Variants in FNDC3A observed in about 807,000 individuals in gnomAD.
FNDC3A encodes the protein fibronectin type-III domain-containing protein 3A.
A neutral mutation model predicts 148.9 loss-of-function variants in FNDC3A; 32 were observed. That is an observed-to-expected ratio of 0.21 (90% CI 0.16 to 0.29). The LOEUF (loss-of-function observed/expected upper bound fraction) is 0.29. Among genes scored for constraint, FNDC3A ranks in the 10% least tolerant of loss-of-function variants. The pLI is 1.00. For synonymous variants in FNDC3A, 472 were observed against 473.6 expected, an observed-to-expected ratio of 1.00 and a Z score of 0.04; for missense variants, 1,191 against 1,452.8, an observed-to-expected ratio of 0.82 and a Z score of 2.93.
At chr13:49,172,912 C>T (rs527488043) in intron 11 of FNDC3A, among the ~76,000 whole-genome samples, 1 of 152,292 alleles carries the variant, frequency 6.6e-6, no homozygotes, top group Non-Finnish European at 1.5e-5. Context: ...CAAAATACTA[C>T]ATTTGTGCAA....
intron 19 of FNDC3A, 28 bp downstream of exon 19, chr13:49,191,412 A>G: frequency 1.3e-6 from 2 of 1,519,366 alleles, no homozygotes; most frequent in African/African-American, 2.8e-5. Context: ...GTAGAATTAT[A>G]ATCACAATGG....
At chr13:49,184,702 C>T (rs1885476043) in intron 14 of FNDC3A, among the ~76,000 whole-genome samples, 1 of 152,038 alleles carries the variant, frequency 6.6e-6, no homozygotes, top group East Asian at 1.9e-4. Context: ...CATATATCAC[C>T]TTGTGACATT....
intron 2 of FNDC3A, among the ~76,000 whole-genome samples, chr13:49,035,030 G>A (rs140452667): frequency 1.3e-5 from 2 of 152,154 alleles, no homozygotes; most frequent in African/African-American, 4.8e-5. Flanking sequence ...ATGACATCTG[G>A]AAATTGGAAT....
chr13:49,182,456 C>G (rs1885354291), intron 14 of FNDC3A, among the ~76,000 whole-genome samples: 1 of 151,830 alleles, frequency 6.6e-6, no homozygotes, highest in Admixed American at 6.6e-5. Flanking sequence ...GCCGAGTGGC[C>G]AGTCCTATAA....
At chr13:48,982,852 A>G (rs181822979) in intron 1 of FNDC3A, among the ~76,000 whole-genome samples, 37 of 152,290 alleles carry the variant, frequency 2.4e-4, no homozygotes, top group Non-Finnish European at 1.5e-4. Context: ...CTTTACCTGT[A>G]TGAGCCTTGG....
chr13:49,030,443 C>A (rs138210654), intron 2 of FNDC3A, among the ~76,000 whole-genome samples: 70 of 152,274 alleles, frequency 4.6e-4, no homozygotes, highest in African/African-American at 1.6e-3. Context: ...TATGCTTTTC[C>A]TCTAAGATGA....
intron 2 of FNDC3A, among the ~76,000 whole-genome samples, chr13:49,046,994 C>A (rs1042008297): frequency 6.6e-6 from 1 of 151,818 alleles, no homozygotes; most frequent in African/African-American, 2.4e-5. Context: ...GTCTTTTATC[C>A]CTCACCTCCC....
In FNDC3A at chr13:49,191,346, A is replaced by C. The variant is rs149646473; in HGVS notation, c.2188A>C (p.Thr730Pro). The C allele has an allele frequency of 2.3e-4, 376 of 1,610,608 alleles. No homozygotes were observed. The African/African-American group carries it at 4.6e-3, about 20-fold the overall frequency. The stretch of plus-strand genomic sequence containing the variant: ...AGTGAGCAGCCTTCTTCCTGGAAAG[A>C]CATACAGCTTCAGACTACGTGCAGC... ...CTVSSLLPGK[T>P]YSFRLRAANK... Residue 730 changes from threonine to proline, a missense_variant, in exon 19 of 26, where the codon ACA (threonine) becomes CCA (proline). By Grantham distance (38) the Thr-to-Pro change is conservative. Around this residue, in one of 3 missense-constraint regions of FNDC3A, gnomAD observed 751 missense variants for 944.0 expected, o/e 0.80. Coordinates refer to ENST00000492622, the MANE Select transcript of FNDC3A (RefSeq NM_001079673.2).
intron 3 of FNDC3A, among the ~76,000 whole-genome samples, chr13:49,084,391 T>C (rs904785373): frequency 4.6e-5 from 7 of 152,202 alleles, no homozygotes; most frequent in African/African-American, 1.7e-4. Context: ...GTAACTGTTA[T>C]ATACCAAAAA....
intron 2 of FNDC3A, among the ~76,000 whole-genome samples, chr13:49,028,640 ATTGAC>A (rs1873897025): frequency 6.6e-6 from 1 of 152,214 alleles, no homozygotes; most frequent in East Asian, 1.9e-4. Context: ...TATACTAATA[ATTGAC>A]TTTAAGTCAG....
At chr13:49,096,802 G>T (rs1482120406) in intron 3 of FNDC3A, among the ~76,000 whole-genome samples, 1 of 152,154 alleles carries the variant, frequency 6.6e-6, no homozygotes, top group African/African-American at 2.4e-5. Flanking sequence ...CTATGATGGA[G>T]TTTATGTGGG....
At chr13:49,007,112 A>G (rs1290457458) in intron 2 of FNDC3A, among the ~76,000 whole-genome samples, 1 of 152,076 alleles carries the variant, frequency 6.6e-6, no homozygotes, top group Non-Finnish European at 1.5e-5. Flanking sequence ...GCATCACACA[A>G]AGCTTGTGCT....
At chr13:49,126,982 C>T (rs1881738769) in intron 4 of FNDC3A, among the ~76,000 whole-genome samples, 1 of 152,142 alleles carries the variant, frequency 6.6e-6, no homozygotes, top group Non-Finnish European at 1.5e-5. Flanking sequence ...AACAGTCAAA[C>T]GGTATCTTCC....
chr13:49,175,469 A>G lies in FNDC3A; in HGVS notation c.1458A>G (p.Gln486=), dbSNP rs1391513632. The G allele has an allele frequency of 1.1e-5, 17 of 1,613,344 alleles. No individual in the cohort carries two copies. The Admixed American group carries it at 1.7e-4, about 16-fold the overall frequency. ...CTGGAATTACTTGGTTATCCTTACA[A>G]TGGAGTAAGCCCTCAGGAACACCAT... ...TKAGITWLSL[Q]WSKPSGTPSD... The change falls in exon 13 of 26, where the codon CAA becomes CAG. Residue 486 remains glutamine, a synonymous_variant. Coordinates refer to ENST00000492622, the MANE Select transcript of FNDC3A (RefSeq NM_001079673.2).
chr13:49,189,421 TCC>T (rs1466219287), intron 17 of FNDC3A, among the ~76,000 whole-genome samples: 2 of 152,114 alleles, frequency 1.3e-5, no homozygotes, highest in African/African-American at 4.8e-5. Context: ...GACTTCGTGA[TCC>T]ACCGGCCTCA....
intron 2 of FNDC3A, among the ~76,000 whole-genome samples, chr13:49,026,341 G>A (rs1166907220): frequency 1.3e-5 from 2 of 152,122 alleles, no homozygotes; most frequent in Admixed American, 6.6e-5. Flanking sequence ...TTTCAAAAGA[G>A]CATCTGAGGA....
rs374954926 is a variant in FNDC3A at position 49,074,718 on chromosome 13, A to G, written c.100-571A>G. ...TCCTGTGCAGCATAAGAAGTTTATT[A>G]GAATGTTAACAATGTGTATCTTAGG... On this transcript the variant is annotated intron_variant, in intron 2 of 25. Coordinates refer to ENST00000492622, the MANE Select transcript of FNDC3A (RefSeq NM_001079673.2). 3.2e-4 allele frequency among the ~76,000 whole-genome samples: 49 copies of G among 152,316 alleles called. No homozygotes were observed. In the South Asian group the frequency reaches 5.8e-3, roughly 18 times the overall value.
chr13:49,097,386 T>C (rs1206737898), intron 3 of FNDC3A, among the ~76,000 whole-genome samples: 2 of 151,996 alleles, frequency 1.3e-5, no homozygotes, highest in Admixed American at 6.6e-5. Context: ...CACTTTTTCT[T>C]AAGAAACAAC....
chr13:49,025,663 C>G (rs918486935), intron 2 of FNDC3A, among the ~76,000 whole-genome samples: 12 of 151,960 alleles, frequency 7.9e-5, no homozygotes, highest in African/African-American at 2.7e-4. Context: ...ATGTGAAATA[C>G]CCTATCTTGA....
Sources: allele counts gnomAD v4.1 joint callset (sites outside exome capture counted in the v4.1 genomes callset), GRCh38; gene constraint gnomAD v4.1.1; regional missense constraint gnomAD v4.1.1; transcripts MANE v1.5; gene names NCBI Gene and HGNC (gene_info 2026-07-23, HGNC 2026-07-21).